The following FDPS variants were observed in gnomAD, a reference collection of about 807,000 sequenced individuals.
FDPS encodes farnesyl pyrophosphate synthase.
In FDPS, 29 loss-of-function variants were observed where a neutral mutation model predicts 49.5. The observed-to-expected ratio is 0.59, with a 90% CI of 0.44 to 0.80. The LOEUF (loss-of-function observed/expected upper bound fraction) is 0.80. Ranked by LOEUF, FDPS falls within the 30% of genes least tolerant of loss-of-function variation. The pLI, the probability that FDPS is intolerant of heterozygous loss-of-function variation, is 0.00. For missense variants in FDPS, 414 were observed against 525.6 expected (o/e 0.79, Z 2.08); for synonymous variants, 172 against 206.4 (o/e 0.83, Z 1.43).
chr1:155,315,903 C>G (rs1445296096), intron 4 of FDPS, among the ~76,000 whole-genome samples: 4 of 149,480 alleles, frequency 2.7e-5, no homozygotes. Flanking sequence ...GTCTTCTGCT[C>G]AAGCCTGGGT....
rs1312536513 is a variant in FDPS at position 155,309,769 on chromosome 1, C to T, written c.-1-20C>T. The T allele has an allele frequency of 2.0e-6, 3 of 1,515,976 alleles. No homozygotes were observed. The highest frequency in any genetic ancestry group is 2.3e-5 in the East Asian group (1 of 42,718). The allele number at this position is 1,515,976 out of a possible 1,614,324, so 93.9% of individuals were successfully genotyped here. ...CCCCTGCAGGGAGTGCTTAGTGCCC[C>T]CTCCCTATGCCACTCCCAGGATGCC... On this transcript the variant is annotated intron_variant, in intron 1 of 10. Transcript: ENST00000368356.
At chr1:155,310,278 G>A in intron 3 of FDPS, 73 bp downstream of exon 3, 1 of 1,423,576 alleles carries the variant, frequency 7.0e-7, no homozygotes, top group Non-Finnish European at 9.8e-7. Context: ...TTCACCTGTG[G>A]CTTATGGGGG....
In FDPS at chr1:155,310,169, C is replaced by T. The variant is rs1648642386; in HGVS notation, c.303C>T (p.His101=). The stretch of plus-strand genomic sequence containing the variant: ...TGCTGACTGAGGATGAGATGGGGCA[C>T]CCAGAGATAGGAGATGCTATTGCCC... ...VRVLTEDEMG[H]PEIGDAIARL... is the part of the protein sequence containing the mutation. Residue 101 remains histidine, a synonymous_variant, in exon 3 of 11, where the codon CAC becomes CAT. Transcript: ENST00000368356. 1 of 1,613,748 alleles carries T rather than the reference C, an allele frequency of 6.2e-7. No individual in the cohort carries two copies. Among genetic ancestry groups the T allele is most frequent in the South Asian group, 1.1e-5 (1 of 91,082 alleles).
Position 155,310,053 on chromosome 1 carries a change from T to C in FDPS, c.187T>C (p.Ser63Pro). The C allele has an allele frequency of 6.2e-7, 1 of 1,613,452 alleles. No homozygotes were observed. ...TTTTCTTCTACTTAGAGCCCTTTGC[T>C]CCTCCCTCAGAATGAACGGAGACCA... ...AWTEEPRALC[S>P]SLRMNGDQNS... is the part of the protein sequence containing the mutation. The change falls in exon 3 of 11, where the codon TCC becomes CCC. Residue 63 changes from serine (S) to proline (P), a missense_variant. By Grantham distance (74) the Ser-to-Pro change is moderately conservative (BLOSUM62 -1). Coordinates refer to ENST00000368356, the MANE Select transcript of FDPS (RefSeq NM_002004.4).
intron 3 of FDPS, among the ~76,000 whole-genome samples, chr1:155,312,022 A>G (rs1409815991): frequency 2.0e-5 from 3 of 152,192 alleles, no homozygotes; most frequent in African/African-American, 4.8e-5. Context: ...TAAATTTACT[A>G]GGGTAGACCA....
At position 155,320,644 on chromosome 1, in the gene FDPS, CAATA is replaced by C. The variant is rs1468104792; in HGVS notation, c.*41_*44del. The C allele has an allele frequency of 6.2e-7, 1 of 1,607,786 alleles. No homozygotes were observed. The highest frequency in any genetic ancestry group is 8.5e-7 in the Non-Finnish European group (1 of 1,174,434). On this transcript the variant is annotated 3_prime_UTR_variant, in exon 11 of 11. Coordinates refer to ENST00000368356, the MANE Select transcript of FDPS (RefSeq NM_002004.4). ...TGCAAGGGCGGGGAGAGGAGGCTCT[CAATA>C]AATAATCGTGTAACCTTCTTGTGGT...
At chr1:155,317,446 CT>C (rs1214598183) in intron 4 of FDPS, 2 of 154,558 alleles carry the variant, frequency 1.3e-5, no homozygotes, top group Non-Finnish European at 2.9e-5. Flanking sequence ...GGCGGGGAGT[CT>C]GAGCCAAACA....
At position 155,318,084 on chromosome 1, in the gene FDPS, G is replaced by A; in HGVS notation, c.561+63G>A. On this transcript the variant is annotated intron_variant, in intron 5 of 10. Coordinates refer to ENST00000368356, the MANE Select transcript of FDPS (RefSeq NM_002004.4). This position sits in a 1 kb window ranked among gnomAD's most constrained non-coding sequence, Gnocchi z 4.2. ...AGGCCACAGGGAGGTGGTTATATAT[G>A]GCCTGGTTGAGGTGTTGGGGTGATG... The A allele has an allele frequency of 6.2e-7, 1 of 1,611,906 alleles. No individual in the cohort carries two copies.
intron 4 of FDPS, among the ~76,000 whole-genome samples, chr1:155,315,737 C>T (rs184854476): frequency 6.6e-6 from 1 of 151,182 alleles, no homozygotes; most frequent in South Asian, 2.1e-4. Context: ...CGTGGAGGCA[C>T]ATGCCTATAA....
At chr1:155,317,898 A>G in intron 4 of FDPS, 43 bp from the exon 5 acceptor site, 1 of 1,549,720 alleles carries the variant, frequency 6.5e-7, no homozygotes, top group Non-Finnish European at 8.9e-7. Context: ...GATAGAAGGA[A>G]CAGTAATGAG....
chr1:155,315,878 A>ACCTGGGTATGTATCTAG (rs1557978204), intron 4 of FDPS, among the ~76,000 whole-genome samples: 1 of 151,390 alleles, frequency 6.6e-6, no homozygotes, highest in Non-Finnish European at 1.5e-5. Context: ...AAAAAAAAAA[A>ACCTGGGTATGTATCTAG]AACACACAAA....
intron 4 of FDPS, among the ~76,000 whole-genome samples, chr1:155,313,678 A>T (rs778397262): frequency 7.2e-5 from 11 of 152,070 alleles, no homozygotes; most frequent in Non-Finnish European, 1.0e-4. Context: ...GATGACAGGG[A>T]TGCTGAGGGG....
chr1:155,316,515 C>T (rs1649432252), intron 4 of FDPS, among the ~76,000 whole-genome samples: 1 of 151,698 alleles, frequency 6.6e-6, no homozygotes, highest in African/African-American at 2.4e-5. Flanking sequence ...CGATGGCTCA[C>T]GCCTGTAATC....
intron 8 of FDPS, 101 bp downstream of exon 8, chr1:155,319,029 C>A: frequency 2.3e-6 from 2 of 859,122 alleles, no homozygotes; most frequent in South Asian, 1.4e-5. Context: ...TGGTGAAAAA[C>A]TGTGTGACCT....
chr1:155,309,659 C>T, intron 1 of FDPS, 130 bp from the exon 2 acceptor site: 1 of 794,782 alleles, frequency 1.3e-6, no homozygotes, highest in South Asian at 2.4e-5. Context: ...CAAGCACATT[C>T]CACAAGAGGG....
intron 4 of FDPS, 154 bp from the exon 5 acceptor site, chr1:155,317,787 T>C: frequency 1.6e-6 from 1 of 609,294 alleles, no homozygotes; most frequent in Admixed American, 3.0e-5. Flanking sequence ...GAGGCTACAG[T>C]GAGCTGTGAC....
rs1649722994 is a variant in FDPS at position 155,318,257 on chromosome 1, C to A, written c.650C>A (p.Pro217His). The change falls in exon 6 of 11, where the codon CCC (proline) becomes CAC (histidine). Residue 217 changes from proline to histidine, a missense_variant. Pro to His is a moderately conservative substitution (Grantham distance 77). Coordinates refer to ENST00000368356, the MANE Select transcript of FDPS (RefSeq NM_002004.4). This position sits in a 1 kb window ranked among gnomAD's most constrained non-coding sequence, Gnocchi z 4.2. The part of the protein sequence containing the change: ...RLLKLYCREQ[P>H]YYLNLIELFL... ...CTGAAGCTCTATTGCCGGGAGCAGC[C>A]CTATTACCTGAACCTGATCGAGCTC... The A allele has an allele frequency of 1.2e-6, 2 of 1,613,540 alleles. No homozygotes were observed. The highest frequency in any genetic ancestry group is 1.7e-6 in the Non-Finnish European group (2 of 1,180,030).
intron 4 of FDPS, among the ~76,000 whole-genome samples, chr1:155,313,663 C>T (rs1435972805): frequency 6.6e-6 from 1 of 151,828 alleles, no homozygotes; most frequent in South Asian, 2.1e-4. Flanking sequence ...AGGGAGAGGG[C>T]CCTGGATGAC....
chr1:155,312,750 G>C (rs574633718), intron 4 of FDPS: 1 of 193,792 alleles, frequency 5.2e-6, no homozygotes, highest in African/African-American at 2.3e-5. Flanking sequence ...GGAGGCCAAG[G>C]GGGAGGATCA....
Sources: gnomAD v4.1 joint callset for allele counts (sites outside exome capture counted in the v4.1 genomes callset) on GRCh38, gnomAD v4.1.1 for gene constraint, Gnocchi (gnomAD v3.1) non-coding constraint, MANE v1.5 for transcripts, NCBI Gene and HGNC (gene_info 2026-07-23, HGNC 2026-07-21) for gene names.